The following ZNF544 variants were observed in gnomAD, a reference collection of about 807,000 sequenced individuals.
ZNF544 encodes zinc finger protein AF020591.
In ZNF544, 10 loss-of-function variants were observed where a neutral mutation model predicts 13.5. The observed-to-expected ratio is 0.74, with a 90% CI of 0.46 to 1.25. The LOEUF (loss-of-function observed/expected upper bound fraction) is 1.25. Among genes scored for constraint, ZNF544 ranks in the 50% most tolerant of loss-of-function variants. The pLI, the probability that ZNF544 is intolerant of heterozygous loss-of-function variation, is 0.00. For missense variants in ZNF544, 896 were observed against 845.6 expected, an observed-to-expected ratio of 1.06 and a Z score of -0.74; for synonymous variants, 323 against 300.5, an observed-to-expected ratio of 1.07 and a Z score of -0.77.
chr19:58,233,635 TTTC>T (rs1182090500), intron 3 of ZNF544, among the ~76,000 whole-genome samples: 1 of 152,180 alleles, frequency 6.6e-6, no homozygotes, highest in Non-Finnish European at 1.5e-5. Flanking sequence ...AGACCCAGAT[TTTC>T]TTCTGTGTAC....
In ZNF544 at chr19:58,230,457, T is replaced by A. The variant is rs962576521; in HGVS notation, c.-65T>A. On this transcript the variant is annotated 5_prime_UTR_variant, in exon 3 of 7. Coordinates refer to ENST00000687789, the MANE Select transcript of ZNF544 (RefSeq NM_014480.4). The stretch of plus-strand genomic sequence containing the variant: ...AAGAGACCCGTTCAGAGTCCTACAG[T>A]GGCAGGTAATGGAGCCAGTACTTTG... The A allele has an allele frequency of 6.6e-6, 1 of 152,272 alleles. No individual in the cohort carries two copies. Among genetic ancestry groups the A allele is most frequent in the African/African-American group, 2.4e-5 (1 of 41,436 alleles). 9.4% of individuals were successfully genotyped at this position (152,272 alleles called of 1,614,324 possible). A position where few individuals can be genotyped will look rare whatever the true frequency, so the allele number is the denominator to read the frequency against.
rs75072205 is a variant in ZNF544, at chr19:58,244,000, G to A, written c.-24G>A. 0.032 allele frequency: 51,583 copies of A among 1,603,450 alleles called. 2,723 individuals carry two copies. The highest frequency in any genetic ancestry group is 0.19 in the African/African-American group (14,536 of 74,602). ...TGAGGACCTCTGCCCTCTACACAGC[G>A]GCCTCTTCAGGTGCAGGGAGGAAAT... On this transcript the variant is annotated 5_prime_UTR_variant, in exon 4 of 7. Coordinates refer to ENST00000687789, the MANE Select transcript of ZNF544 (RefSeq NM_014480.4).
At chr19:58,268,916 G>C (rs555195807), downstream of ZNF544, among the ~76,000 whole-genome samples, 9 of 152,274 alleles carry the variant, frequency 5.9e-5, no homozygotes, top group South Asian at 1.9e-3. Flanking sequence ...GAGGTTTCAA[G>C]GAAGTTAGTT....
rs2046344455 is a variant in ZNF544, at chr19:58,251,847, T to C, written c.244+5053T>C. Among the ~76,000 whole-genome samples the C allele has an allele frequency of 2.6e-5, 4 of 152,180 alleles. No homozygotes were observed. In the South Asian group the frequency reaches 8.3e-4, roughly 32 times the overall value. Reference sequence around the variant, plus strand: ...TAGAGTTAGCTAAGCTCTTTCCACTTTTTTGGAGGATTGAGGTCTCCATGC... The same window carrying C: ...TAGAGTTAGCTAAGCTCTTTCCACTCTTTTGGAGGATTGAGGTCTCCATGC... On this transcript the variant is annotated intron_variant, in intron 6 of 6. Transcript: ENST00000687789.
At chr19:58,255,410 C>T (rs750007611) in intron 6 of ZNF544, among the ~76,000 whole-genome samples, 27 of 151,998 alleles carry the variant, frequency 1.8e-4, no homozygotes, top group Non-Finnish European at 2.9e-5. Context: ...AACTCCTGAC[C>T]TCAGGTGATC....
In ZNF544 at chr19:58,263,126, T is replaced by C. The variant is rs2049339088; in HGVS notation, c.*372T>C. 5 of 1,016,886 alleles carry C rather than the reference T, an allele frequency of 4.9e-6. No homozygotes were observed. Among genetic ancestry groups the C allele is most frequent in the African/African-American group, 1.7e-5 (1 of 57,950 alleles). The allele number at this position is 1,016,886 out of a possible 1,614,324, so 63.0% of individuals were successfully genotyped here. On this transcript the variant is annotated 3_prime_UTR_variant, in exon 7 of 7. Coordinates refer to ENST00000687789, the MANE Select transcript of ZNF544 (RefSeq NM_014480.4). ...AAGCTTCCAGTTATGATACTTTCCT[T>C]ATTCAACATGAGAAAGCTCATGGGC... is the stretch of plus-strand genomic sequence containing the variant.
In ZNF544 at chr19:58,261,547, TACAA is replaced by T. The variant is rs2048950645; in HGVS notation, c.945_948del (p.Thr316LysfsTer163). On this transcript the variant is annotated frameshift_variant, in exon 7 of 7. Coordinates refer to ENST00000687789, the MANE Select transcript of ZNF544 (RefSeq NM_014480.4). LOFTEE classifies it low-confidence loss of function (END_TRUNC). ...ACCTGTTCTGAGAGTCTGTGCCTTG[TACAA>T]ACAGAAAGAAGTGGCCCTGGAGAGA... 9 of 1,614,204 alleles carry T rather than the reference TACAA, an allele frequency of 5.6e-6. No individual in the cohort carries two copies. The East Asian group carries it at 1.8e-4, about 32-fold the overall frequency.
rs375371121 is a variant in ZNF544, at chr19:58,261,812, C to G, written c.1206C>G (p.His402Gln). 1 of 1,613,980 alleles carries G rather than the reference C, an allele frequency of 6.2e-7. No individual in the cohort carries two copies. Among genetic ancestry groups the G allele is most frequent in the East Asian group, 2.2e-5 (1 of 44,876 alleles). ...ACCTTGTCATACATCAGAGGACACA[C>G]ACTGGAGAGAAGCCCTATGAGTGTG... ...SYDLVIHQRT[H>Q]TGEKPYECDL... The change falls in exon 7 of 7, where the codon CAC becomes CAG. Residue 402 changes from histidine to glutamine, a missense_variant. By Grantham distance (24) the His-to-Gln change is conservative (BLOSUM62 0). Coordinates refer to ENST00000687789, the MANE Select transcript of ZNF544 (RefSeq NM_014480.4).
At position 58,261,789 on chromosome 19, in the gene ZNF544, C is replaced by T. The variant is rs1211533170; in HGVS notation, c.1183C>T (p.Leu395Phe). ...GAAATCTTTTAGCCAGAGCTATGAC[C>T]TTGTCATACATCAGAGGACACACAC... Reference protein sequence around the residue: ...CGKSFSQSYDLVIHQRTHTGE... With the variant: ...CGKSFSQSYDFVIHQRTHTGE... Residue 395 changes from leucine to phenylalanine, a missense_variant, in exon 7 of 7, where the codon CTT (leucine) becomes TTT (phenylalanine). By Grantham distance (22) the Leu-to-Phe change is conservative. Transcript: ENST00000687789. The T allele has an allele frequency of 1.9e-6, 3 of 1,614,066 alleles. No individual in the cohort carries two copies. The highest frequency in any genetic ancestry group is 1.1e-5 in the South Asian group (1 of 91,074).
At chr19:58,266,704 C>A (rs448147), downstream of ZNF544, 2 of 151,560 alleles carry the variant, frequency 1.3e-5, no homozygotes, top group Admixed American at 6.6e-5. Flanking sequence ...AGACTCTTCC[C>A]CATTTTTTTT....
chr19:58,277,089 G>T, intron 6 of ZNF544: 2 of 861,784 alleles, frequency 2.3e-6, no homozygotes, highest in Non-Finnish European at 1.5e-6. Context: ...GTCTTGGTTT[G>T]GTCTGGTCTC....
At chr19:58,256,956 C>T (rs983738261) in intron 6 of ZNF544, among the ~76,000 whole-genome samples, 28 of 148,810 alleles carry the variant, frequency 1.9e-4, no homozygotes, top group African/African-American at 5.9e-4. Flanking sequence ...CAGTCTCACT[C>T]TGTTGCCCAA....
Position 58,261,061 on chromosome 19 carries a change from C to T in ZNF544, c.455C>T (p.Ala152Val). Reference protein sequence around the residue: ...FMVLTSERLFAQREHCELELG... With the variant: ...FMVLTSERLFVQREHCELELG... ...GTACTCACCTCAGAGAGACTGTTTG[C>T]TCAAAGGGAACATTGTGAGCTTGAA... The change falls in exon 7 of 7, where the codon GCT becomes GTT. Residue 152 changes from alanine (A) to valine (V), a missense_variant. Transcript: ENST00000687789. 1 of 1,614,190 alleles carries T rather than the reference C, an allele frequency of 6.2e-7. No individual in the cohort carries two copies. The highest frequency in any genetic ancestry group is 2.2e-5 in the East Asian group (1 of 44,886).
chr19:58,271,266 G>A lies in ZNF544; in HGVS notation c.245-5057G>A, dbSNP rs906970328. On this transcript the variant is annotated intron_variant, in intron 5 of 6. Coordinates refer to the ZNF544 transcript ENST00000595981. ...ATGATCAAAGATTAGAATTACGGAG[G>A]TGTCCTCAAGAAGAATTGGAACAGA... is the stretch of plus-strand genomic sequence containing the variant. 3.3e-5 allele frequency among the ~76,000 whole-genome samples: 5 copies of A among 151,568 alleles called. No homozygotes were observed. The Admixed American group carries it at 3.3e-4, about 10-fold the overall frequency.
rs202213273 is a variant in ZNF544, at chr19:58,270,304, C to CTTTTTT, written c.245-6015_245-6010dup. ...CTGTGACGTGAACCCTAGGTATTGG[C>CTTTTTT]TTTTTTTTTCTTTTTTTTTGAGAAG... On this transcript the variant is annotated intron_variant, in intron 5 of 6. Coordinates refer to the ZNF544 transcript ENST00000595981. Among the ~76,000 whole-genome samples the CTTTTTT allele has an allele frequency of 9.5e-5, 13 of 136,424 alleles. 1 individual carries two copies. The highest frequency in any genetic ancestry group is 1.1e-4 in the African/African-American group (4 of 37,362). 89.5% of individuals were successfully genotyped at this position (136,424 alleles called of 152,430 possible). A position where few individuals can be genotyped will look rare whatever the true frequency, so the allele number is the denominator to read the frequency against.
At chr19:58,275,905 CG>C (rs1314804572) in intron 5 of ZNF544, among the ~76,000 whole-genome samples, 10 of 151,806 alleles carry the variant, frequency 6.6e-5, no homozygotes, top group Non-Finnish European at 1.2e-4. Flanking sequence ...TACACAGGGC[CG>C]GGTGCAGTGG....
Position 58,261,900 on chromosome 19 carries a change from G to A in ZNF544, c.1294G>A (p.Gly432Arg), listed in dbSNP as rs2049038695. The A allele has an allele frequency of 6.2e-7, 1 of 1,613,172 alleles. No homozygotes were observed. The highest frequency in any genetic ancestry group is 1.3e-5 in the African/African-American group (1 of 74,590). Reference sequence around the variant, plus strand: ...TATTACACATCAGCGAATTCACACTGGAGAAAAACCGTATCAGTGTATTGA... The same window carrying A: ...TATTACACATCAGCGAATTCACACTAGAGAAAAACCGTATCAGTGTATTGA... ...KLITHQRIHT[G>R]EKPYQCIECR... Residue 432 changes from glycine (G) to arginine (R), a missense_variant, in exon 7 of 7, where the codon GGA (glycine) becomes AGA (arginine). Physicochemically the swap from Gly to Arg is moderately radical, Grantham distance 125. Coordinates refer to ENST00000687789, the MANE Select transcript of ZNF544 (RefSeq NM_014480.4).
At chr19:58,229,266 GGGGTGGAACTGGGTGGGACT>G (rs1196169534) in intron 1 of ZNF544, 182 bp from the exon 2 acceptor site, 14 of 130,206 alleles carry the variant, frequency 1.1e-4, no homozygotes, top group South Asian at 2.7e-4. Context: ...GGTACGGGCA[GGGGTGGAACTGGGTGGGACT>G]GGGTGGGACT....
intron 3 of ZNF544, among the ~76,000 whole-genome samples, chr19:58,241,718 C>T (rs1259621750): frequency 6.6e-6 from 1 of 151,864 alleles, no homozygotes; most frequent in African/African-American, 2.4e-5. Flanking sequence ...AAGATGGTCT[C>T]GACCTCCTGA....
Sources: gnomAD v4.1 joint callset for allele counts (sites outside exome capture counted in the v4.1 genomes callset) on GRCh38, gnomAD v4.1.1 for gene constraint, MANE v1.5 for transcripts, NCBI Gene and HGNC (gene_info 2026-07-23, HGNC 2026-07-21) for gene names.